FAM161A: variants seen among roughly 807,000 people sequenced by gnomAD.
FAM161A encodes the protein protein FAM161A.
FAM161A carries 57 observed loss-of-function variants against 70.9 expected under a neutral mutation model. That is an observed-to-expected ratio of 0.80 (90% CI 0.65 to 1.00). The LOEUF (loss-of-function observed/expected upper bound fraction) is 1.00. FAM161A is among the 50% of genes least tolerant of loss of function. FAM161A has a pLI of 0.00. For synonymous variants in FAM161A, 299 were observed against 295.7 expected (o/e 1.01, Z -0.12); for missense variants, 880 against 836.0 (o/e 1.05, Z -0.65).
the FAM161A span, among the ~76,000 whole-genome samples, chr2:61,812,942 G>A: frequency 3.9e-3 from 597 of 151,294 alleles, 3 homozygotes; most frequent in Middle Eastern, 0.051. Context: ...GGTGGCAGGC[G>A]CCACCAGCTA....
At position 61,840,088 on chromosome 2, in the gene FAM161A, GTTC is replaced by G. The variant is rs1447632490; in HGVS notation, c.913_915del (p.Glu305del). On this transcript the variant is annotated inframe_deletion, in exon 3 of 7. Transcript: ENST00000404929. ...CTTTTCTCCTTCAGAGACCTTCTCC[GTTC>G]TTCTTTTTGCTTGACTAAATCATGG... is the stretch of plus-strand genomic sequence containing the variant. 2 of 1,613,954 alleles carry G rather than the reference GTTC, an allele frequency of 1.2e-6. No individual in the cohort carries two copies. The highest frequency in any genetic ancestry group is 1.7e-6 in the Non-Finnish European group (2 of 1,180,034).
intron 5 of FAM161A, among the ~76,000 whole-genome samples, chr2:61,833,482 A>G (rs2105069688): frequency 6.6e-6 from 1 of 151,900 alleles, no homozygotes; most frequent in Non-Finnish European, 1.5e-5. Flanking sequence ...AGCTGCTAAC[A>G]TTGTTTACTA....
At chr2:61,838,486 A>AAAAAG in intron 4 of FAM161A, 52 bp downstream of exon 4, 1 of 1,482,814 alleles carries the variant, frequency 6.7e-7, no homozygotes, top group East Asian at 2.3e-5. Context: ...TGATTAAAAA[A>AAAAAG]AAAAGAGTTT....
chr2:61,816,572 G>A, the FAM161A span, among the ~76,000 whole-genome samples: 10 of 152,058 alleles, frequency 6.6e-5, no homozygotes, highest in East Asian at 1.2e-3. Context: ...GCAATCCTCC[G>A]CCTCAGTCTC....
the FAM161A span, among the ~76,000 whole-genome samples, chr2:61,818,146 C>T: frequency 6.6e-6 from 1 of 150,954 alleles, no homozygotes; most frequent in African/African-American, 2.4e-5. Flanking sequence ...GCCTCTGCCT[C>T]CTGGGTTCAA....
intron 1 of FAM161A, among the ~76,000 whole-genome samples, chr2:61,850,772 G>T (rs772495838): frequency 1.3e-5 from 2 of 152,080 alleles, no homozygotes; most frequent in African/African-American, 2.4e-5. Flanking sequence ...TAAATAAAAA[G>T]TGGAGTCAGA....
the FAM161A span, among the ~76,000 whole-genome samples, chr2:61,809,560 C>T: frequency 6.6e-6 from 1 of 152,244 alleles, no homozygotes; most frequent in South Asian, 2.1e-4. Flanking sequence ...AGTTTGGATT[C>T]CCCCAAAGGC....
At chr2:61,848,816 A>ATATATATATATT in intron 1 of FAM161A, among the ~76,000 whole-genome samples, 1 of 10,654 alleles carries the variant, frequency 9.4e-5, no homozygotes, top group Non-Finnish European at 1.8e-4. Flanking sequence ...ATATATATTT[A>ATATATATATATT]TATATATATA....
chr2:61,844,884 C>T (rs542523647), intron 1 of FAM161A, among the ~76,000 whole-genome samples: 2 of 152,312 alleles, frequency 1.3e-5, no homozygotes, highest in Admixed American at 6.5e-5. Context: ...CACTAAGAGA[C>T]AGAGGCACAA....
In FAM161A at chr2:61,840,208, G is replaced by A. The variant is rs767213679; in HGVS notation, c.796C>T (p.His266Tyr). 6.2e-7 allele frequency: 1 copy of A among 1,613,786 alleles called. No individual in the cohort carries two copies. The highest frequency in any genetic ancestry group is 1.1e-5 in the South Asian group (1 of 91,044). ...TCTTCTTGTTTTTTGAGCGCTTTAT[G>A]TACCATTTCGATATCTGATTTAGAT... ...MKSKSDIEMV[H>Y]KALKKQEEDP... Residue 266 changes from histidine (H) to tyrosine (Y), a missense_variant, in exon 3 of 7, where the codon CAT (histidine) becomes TAT (tyrosine). Coordinates refer to ENST00000404929, the MANE Select transcript of FAM161A (RefSeq NM_001201543.2).
At chr2:61,803,946 G>A in the FAM161A span, among the ~76,000 whole-genome samples, 1 of 152,160 alleles carries the variant, frequency 6.6e-6, no homozygotes, top group Non-Finnish European at 1.5e-5. Flanking sequence ...AGAATTCAGG[G>A]CAAGTCTACA....
chr2:61,846,004 G>A (rs1425560481), intron 1 of FAM161A, among the ~76,000 whole-genome samples: 3 of 147,956 alleles, frequency 2.0e-5, no homozygotes, highest in African/African-American at 2.5e-5. Flanking sequence ...CAGGAGAATC[G>A]CTTGAACCTG....
At chr2:61,810,519 T>C in the FAM161A span, among the ~76,000 whole-genome samples, 10 of 140,092 alleles carry the variant, frequency 7.1e-5, no homozygotes, top group Non-Finnish European at 1.4e-4. Context: ...AGTGCAATGG[T>C]GTGATCTCAG....
chr2:61,817,488 G>T, the FAM161A span, among the ~76,000 whole-genome samples: 1 of 152,100 alleles, frequency 6.6e-6, no homozygotes, highest in East Asian at 1.9e-4. Context: ...TTGAAATAAG[G>T]ATTTACATTC....
Position 61,824,946 on chromosome 2 carries a change from G to A in FAM161A, c.*1509C>T. The stretch of plus-strand genomic sequence containing the variant: ...ATACAAAGATGAATTTTTAAATGGT[G>A]CCAAATCCCAAGGAGTTTACAATAT... On this transcript the variant is annotated 3_prime_UTR_variant, in exon 7 of 7. Coordinates refer to ENST00000404929, the MANE Select transcript of FAM161A (RefSeq NM_001201543.2). 2.2e-6 allele frequency: 1 copy of A among 452,916 alleles called. No individual in the cohort carries two copies. The highest frequency in any genetic ancestry group is 4.4e-6 in the Non-Finnish European group (1 of 226,582). The allele number at this position is 452,916 out of a possible 1,614,324, so 28.1% of individuals were successfully genotyped here.
At chr2:61,845,178 G>C (rs962864063) in intron 1 of FAM161A, among the ~76,000 whole-genome samples, 2 of 152,126 alleles carry the variant, frequency 1.3e-5, no homozygotes, top group Non-Finnish European at 2.9e-5. Flanking sequence ...CCTGAGAATG[G>C]AGATGTTGGA....
At chr2:61,850,071 C>G (rs888521335) in intron 1 of FAM161A, among the ~76,000 whole-genome samples, 2 of 152,114 alleles carry the variant, frequency 1.3e-5, no homozygotes, top group African/African-American at 2.4e-5. Context: ...CAAACCTGCA[C>G]ATGCACCTCT....
In FAM161A at chr2:61,840,303, G is replaced by C; in HGVS notation, c.701C>G (p.Pro234Arg). The change falls in exon 3 of 7, where the codon CCC becomes CGC. Residue 234 changes from proline to arginine, a missense_variant. Coordinates refer to ENST00000404929, the MANE Select transcript of FAM161A (RefSeq NM_001201543.2). Reference sequence around the variant, plus strand: ...AAAAGGCTCCGGTACTGTAATTGTGGGCACCCATTCTTTTCGTTTCTTCCT... The same window carrying C: ...AAAAGGCTCCGGTACTGTAATTGTGCGCACCCATTCTTTTCGTTTCTTCCT... ...KRRKKRKEWV[P>R]TITVPEPFQM... The C allele has an allele frequency of 6.2e-7, 1 of 1,613,932 alleles. No homozygotes were observed. Among genetic ancestry groups the C allele is most frequent in the Non-Finnish European group, 8.5e-7 (1 of 1,180,004 alleles).
chr2:61,801,513 A>G, the FAM161A span, among the ~76,000 whole-genome samples: 16 of 150,908 alleles, frequency 1.1e-4, no homozygotes, highest in Non-Finnish European at 2.4e-4. Flanking sequence ...AAAAAAATAG[A>G]ATTACTGGAT....
Sources: allele counts gnomAD v4.1 joint callset (sites outside exome capture counted in the v4.1 genomes callset), GRCh38; gene constraint gnomAD v4.1.1; transcripts MANE v1.5; gene names NCBI Gene and HGNC (gene_info 2026-07-23, HGNC 2026-07-21).